NME7: variants seen among roughly 807,000 people sequenced by gnomAD.
NME7 encodes the protein NME/NM23 family member 7.
NME7 carries 41 observed loss-of-function variants against 49.1 expected under a neutral mutation model. The ratio of observed to expected loss-of-function variants is 0.83; its 90% CI spans 0.65 to 1.08. NME7 has a LOEUF of 1.08. Among genes scored for constraint, NME7 ranks in the 50% least tolerant of loss-of-function variants. The pLI is 0.00. For missense variants in NME7, 423 were observed against 463.4 expected (o/e 0.91, Z 0.80); for synonymous variants, 139 against 150.6 (o/e 0.92, Z 0.56).
At chr1:169,240,468 A>G (rs1648043953) in intron 7 of NME7, among the ~76,000 whole-genome samples, 1 of 152,036 alleles carries the variant, frequency 6.6e-6, no homozygotes, top group South Asian at 2.1e-4. Flanking sequence ...AATCTTTTAC[A>G]ATAACTGTGT....
chr1:169,306,645 T>C (rs1238563566), intron 4 of NME7, among the ~76,000 whole-genome samples: 6 of 152,126 alleles, frequency 3.9e-5, no homozygotes, highest in East Asian at 1.9e-4. Context: ...TGAAGATGTA[T>C]TTGGAATTCA....
intron 7 of NME7, among the ~76,000 whole-genome samples, chr1:169,254,205 G>A (rs1194033654): frequency 2.7e-5 from 4 of 150,198 alleles, no homozygotes; most frequent in African/African-American, 4.8e-5. Context: ...GACTCTTTTT[G>A]GTTGGTAAGC....
rs947288959 is a variant in NME7, at chr1:169,175,629, T to C, written c.991-6075A>G. Among the ~76,000 whole-genome samples, 18 of 152,142 alleles carry C rather than the reference T, an allele frequency of 1.2e-4. 1 individual carries two copies. Among genetic ancestry groups the C allele is most frequent in the African/African-American group, 4.1e-4 (17 of 41,390 alleles). On this transcript the variant is annotated intron_variant, in intron 10 of 11. Transcript: ENST00000367811. ...TATGGGATCAGCATCCTATATGCAG[T>C]CAGGTGTTGATGGAAATATTGTTAT... is the stretch of plus-strand genomic sequence containing the variant.
At chr1:169,247,769 G>C (rs956828176) in intron 7 of NME7, among the ~76,000 whole-genome samples, 1 of 152,042 alleles carries the variant, frequency 6.6e-6, no homozygotes, top group Admixed American at 6.6e-5. Context: ...ACTTCACTTA[G>C]AATAATGGCT....
At chr1:169,134,800 T>G (rs1005256238) in intron 11 of NME7, among the ~76,000 whole-genome samples, 1 of 151,456 alleles carries the variant, frequency 6.6e-6, no homozygotes, top group Non-Finnish European at 1.5e-5. Flanking sequence ...TAAAGAAAAA[T>G]AGTAAAATTT....
chr1:169,161,387 T>A (rs12144832), intron 11 of NME7, among the ~76,000 whole-genome samples: 1 of 152,126 alleles, frequency 6.6e-6, no homozygotes, highest in East Asian at 1.9e-4. Context: ...AGTGTCAGTA[T>A]GTGCAGAGGC....
intron 10 of NME7, among the ~76,000 whole-genome samples, chr1:169,189,505 T>G (rs557714022): frequency 2.0e-5 from 3 of 152,292 alleles, no homozygotes; most frequent in Admixed American, 2.0e-4. Flanking sequence ...TCTATTGAAT[T>G]CAGCTTTCGC....
At chr1:169,277,891 A>C (rs1271587205) in intron 7 of NME7, among the ~76,000 whole-genome samples, 72 of 135,334 alleles carry the variant, frequency 5.3e-4, no homozygotes, top group African/African-American at 1.9e-3. Flanking sequence ...GGTGGTGACA[A>C]AATCTCTCAG....
At chr1:169,183,809 A>T (rs1659995279) in intron 10 of NME7, among the ~76,000 whole-genome samples, 1 of 152,164 alleles carries the variant, frequency 6.6e-6, no homozygotes, top group Non-Finnish European at 1.5e-5. Context: ...CTCAGAAAAA[A>T]AGAAAAAAAA....
chr1:169,240,284 A>AT (rs906764166), intron 7 of NME7, among the ~76,000 whole-genome samples: 3 of 151,704 alleles, frequency 2.0e-5, no homozygotes, highest in African/African-American at 2.4e-5. Context: ...AGATTATAGT[A>AT]TTTTTTTTAA....
Position 169,237,672 on chromosome 1 carries a change from A to C in NME7, c.770T>G (p.Ile257Ser), listed in dbSNP as rs375383227. The stretch of plus-strand genomic sequence containing the variant: ...ACCTGCATCTCGGATAGCCATCAGG[A>C]TCTTTCCCAACAGTCCTGAAAATGA... ...HAVSEGLLGK[I>S]LMAIRDAGFE... The change falls in exon 8 of 12, where the codon ATC becomes AGC. Residue 257 changes from isoleucine (I) to serine (S), a missense_variant. Coordinates refer to ENST00000367811, the MANE Select transcript of NME7 (RefSeq NM_013330.5). 4 of 1,611,096 alleles carry C rather than the reference A, an allele frequency of 2.5e-6. No individual in the cohort carries two copies. In the Middle Eastern group the frequency reaches 6.6e-4, roughly 266 times the overall value.
intron 4 of NME7, among the ~76,000 whole-genome samples, chr1:169,309,724 T>A (rs1336981071): frequency 6.6e-6 from 1 of 152,106 alleles, no homozygotes; most frequent in East Asian, 1.9e-4. Context: ...TGCTTGATAC[T>A]CACTTTCGGT....
intron 10 of NME7, among the ~76,000 whole-genome samples, chr1:169,196,447 T>A (rs911754292): frequency 6.6e-6 from 1 of 152,312 alleles, no homozygotes; most frequent in East Asian, 1.9e-4. Context: ...ACAAAAACTT[T>A]GTGAGAAAAG....
intron 6 of NME7, among the ~76,000 whole-genome samples, chr1:169,298,111 G>A (rs1650782084): frequency 6.6e-6 from 1 of 152,142 alleles, no homozygotes; most frequent in Non-Finnish European, 1.5e-5. Flanking sequence ...AAAATAAGGA[G>A]TAGAGAAACT....
At chr1:169,283,753 T>C (rs1650142985) in intron 7 of NME7, 1 of 152,204 alleles carries the variant, frequency 6.6e-6, no homozygotes, top group South Asian at 2.1e-4. Flanking sequence ...TTCTTTTCTT[T>C]AAGAATGTTG....
intron 10 of NME7, among the ~76,000 whole-genome samples, chr1:169,212,715 T>C (rs754217791): frequency 1.1e-4 from 17 of 151,230 alleles, no homozygotes; most frequent in Non-Finnish European, 2.4e-4. Context: ...GATTCTTCCA[T>C]CTTAGCCTCT....
At chr1:169,337,193 G>A (rs1478645345) in intron 1 of NME7, among the ~76,000 whole-genome samples, 2 of 152,212 alleles carry the variant, frequency 1.3e-5, no homozygotes, top group East Asian at 3.9e-4. Context: ...CTCAGGCATG[G>A]CGGGCTGCAG....
At chr1:169,222,232 T>A (rs1029017435) in intron 10 of NME7, among the ~76,000 whole-genome samples, 1 of 152,228 alleles carries the variant, frequency 6.6e-6, no homozygotes, top group Non-Finnish European at 1.5e-5. Context: ...TGTCTCCAAC[T>A]AGAATGTAAG....
At chr1:169,177,078 C>T (rs540469430) in intron 10 of NME7, among the ~76,000 whole-genome samples, 97 of 152,208 alleles carry the variant, frequency 6.4e-4, no homozygotes, top group African/African-American at 2.2e-3. Context: ...GCAAAAGAAT[C>T]GTTCCACATT....
Sources: allele counts gnomAD v4.1 joint callset (sites outside exome capture counted in the v4.1 genomes callset), GRCh38; gene constraint gnomAD v4.1.1; transcripts MANE v1.5; gene names NCBI Gene and HGNC (gene_info 2026-07-23, HGNC 2026-07-21).